The following RASA1 variants were observed in gnomAD, a reference collection of about 807,000 sequenced individuals.
The protein encoded by RASA1 is ras GTPase-activating protein 1.
Under a neutral mutation model 132.2 loss-of-function variants are expected in RASA1, and 25 were observed. The ratio of observed to expected loss-of-function variants is 0.19; its 90% CI spans 0.14 to 0.26. RASA1 has a LOEUF of 0.26. Ranked by LOEUF, RASA1 falls within the 10% of genes least tolerant of loss-of-function variation. RASA1 has a pLI of 1.00. For missense variants in RASA1, 964 were observed against 1,299.2 expected (o/e 0.74, Z 3.97); for synonymous variants, 477 against 449.9 (o/e 1.06, Z -0.76).
intron 9 of RASA1, among the ~76,000 whole-genome samples, chr5:87,361,570 G>T (rs2112453461): frequency 6.6e-6 from 1 of 152,210 alleles, no homozygotes; most frequent in South Asian, 2.1e-4. Flanking sequence ...GAGTCCAATT[G>T]ACCTTAATAG....
chr5:87,362,510 C>T (rs773760921), intron 9 of RASA1, 41 bp from the exon 10 acceptor site: 1 of 1,553,038 alleles, frequency 6.4e-7, no homozygotes, highest in Non-Finnish European at 8.9e-7. Flanking sequence ...TCATTTCCAT[C>T]AAGAATGTAT....
chr5:87,379,899 C>T lies in RASA1; in HGVS notation c.2603+49C>T, dbSNP rs1270929527. On this transcript the variant is annotated intron_variant, in intron 19 of 24. Transcript: ENST00000274376. The stretch of plus-strand genomic sequence containing the variant: ...ACAAGAAATTGTGTATCTATGTCTT[C>T]AGAAATTTCTATTTCTAAAACGTGA... 14 of 1,561,692 alleles carry T rather than the reference C, an allele frequency of 9.0e-6. No individual in the cohort carries two copies. In the African/African-American group the frequency reaches 1.4e-4, roughly 15 times the overall value.
At position 87,268,517 on chromosome 5, in the gene RASA1, C is replaced by A; in HGVS notation, c.66C>A (p.Gly22=). 1 of 1,578,446 alleles carries A rather than the reference C, an allele frequency of 6.3e-7. No individual in the cohort carries two copies. ...GPVTAGAGGG[G]AAAGSSAYPA... Reference sequence around the variant, plus strand: ...TAACAGCCGGAGCTGGAGGAGGCGGCGCGGCAGCGGGCTCCAGTGCCTATC... The same window carrying A: ...TAACAGCCGGAGCTGGAGGAGGCGGAGCGGCAGCGGGCTCCAGTGCCTATC... Residue 22 remains glycine (G), a synonymous_variant, in exon 1 of 25, where the codon GGC becomes GGA. Coordinates refer to ENST00000274376, the MANE Select transcript of RASA1 (RefSeq NM_002890.3).
At chr5:87,346,081 T>C (rs937242694) in intron 6 of RASA1, among the ~76,000 whole-genome samples, 5 of 152,084 alleles carry the variant, frequency 3.3e-5, no homozygotes, top group Non-Finnish European at 4.4e-5. Context: ...AATTTAAGAA[T>C]ACAGAATATA....
chr5:87,288,452 A>G (rs1754776130), intron 1 of RASA1, among the ~76,000 whole-genome samples: 1 of 152,102 alleles, frequency 6.6e-6, no homozygotes, highest in African/African-American at 2.4e-5. Flanking sequence ...TCAGTGTGCA[A>G]TGAATTACAC....
intron 1 of RASA1, among the ~76,000 whole-genome samples, chr5:87,274,995 G>A (rs527703935): frequency 6.6e-6 from 1 of 152,140 alleles, no homozygotes; most frequent in Non-Finnish European, 1.5e-5. Flanking sequence ...TGCTAGAATC[G>A]GTATGGATCA....
chr5:87,369,776 A>G, intron 11 of RASA1, 37 bp from the exon 12 acceptor site: 1 of 1,477,534 alleles, frequency 6.8e-7, no homozygotes, highest in South Asian at 1.2e-5. Flanking sequence ...GCTACTTTTT[A>G]TTAAGCTTCC....
intron 9 of RASA1, among the ~76,000 whole-genome samples, chr5:87,361,824 A>G (rs1760117480): frequency 6.6e-6 from 1 of 152,080 alleles, no homozygotes; most frequent in African/African-American, 2.4e-5. Flanking sequence ...CCTAATATAA[A>G]TATGTTGCTT....
intron 4 of RASA1, among the ~76,000 whole-genome samples, chr5:87,337,275 T>C (rs1758042875): frequency 6.6e-6 from 1 of 152,026 alleles, no homozygotes; most frequent in Non-Finnish European, 1.5e-5. Context: ...TAGGTTTCAG[T>C]AAAAGGAAAC....
At chr5:87,269,076 T>C (rs1230713756) in intron 1 of RASA1, 86 bp downstream of exon 1, 1 of 1,613,984 alleles carries the variant, frequency 6.2e-7, no homozygotes, top group Admixed American at 1.7e-5. Context: ...CTTTGTCCTT[T>C]TCATCTGTGG....
At chr5:87,319,934 T>C (rs1184391885) in intron 1 of RASA1, among the ~76,000 whole-genome samples, 1 of 152,244 alleles carries the variant, frequency 6.6e-6, no homozygotes, top group East Asian at 1.9e-4. Flanking sequence ...TTCATACATA[T>C]GAGCATATAC....
At chr5:87,388,217 C>T (rs1324090995) in intron 23 of RASA1, among the ~76,000 whole-genome samples, 1 of 152,164 alleles carries the variant, frequency 6.6e-6, no homozygotes, top group Non-Finnish European at 1.5e-5. Context: ...CGCTATAAAC[C>T]TTTAATCACT....
At chr5:87,347,370 A>G (rs903038793) in intron 7 of RASA1, among the ~76,000 whole-genome samples, 1 of 152,008 alleles carries the variant, frequency 6.6e-6, no homozygotes, top group African/African-American at 2.4e-5. Context: ...TTGTGGTTTT[A>G]ACCATCCTGT....
chr5:87,389,345 A>C (rs1428274991), intron 23 of RASA1, 48 bp from the exon 24 acceptor site: 1 of 1,611,352 alleles, frequency 6.2e-7, no homozygotes, highest in Non-Finnish European at 8.5e-7. Context: ...AAAAACAAAA[A>C]AAAAGAAGAT....
At chr5:87,364,972 G>T (rs1760396839) in intron 11 of RASA1, among the ~76,000 whole-genome samples, 1 of 152,170 alleles carries the variant, frequency 6.6e-6, no homozygotes, top group Admixed American at 6.5e-5. Flanking sequence ...ATATGTATGG[G>T]TGAAATGGAT....
chr5:87,330,069 T>C (rs1757499738), intron 1 of RASA1, among the ~76,000 whole-genome samples: 1 of 152,162 alleles, frequency 6.6e-6, no homozygotes, highest in East Asian at 1.9e-4. Flanking sequence ...AGGTTACAAT[T>C]ATATTTTGTT....
chr5:87,307,915 C>T lies in RASA1; in HGVS notation c.540-23433C>T, dbSNP rs116365765. Among the ~76,000 whole-genome samples the T allele has an allele frequency of 6.8e-3, 1,042 of 152,236 alleles. 14 individuals are homozygous for T. Among genetic ancestry groups the T allele is most frequent in the African/African-American group, 0.023 (976 of 41,546 alleles). On this transcript the variant is annotated intron_variant, in intron 1 of 24. Transcript: ENST00000274376. ...ATGATCATTTGCTGTAGAGGATGGA[C>T]GGCTTAGCCACTCCTGTGTTAGGCA...
chr5:87,320,204 C>T (rs984484524), intron 1 of RASA1, among the ~76,000 whole-genome samples: 7 of 152,158 alleles, frequency 4.6e-5, no homozygotes, highest in Non-Finnish European at 1.0e-4. Flanking sequence ...AATTATTGAG[C>T]AAGTCTCTAG....
At chr5:87,376,750 T>A in intron 16 of RASA1, 131 bp from the exon 17 acceptor site, 1 of 1,209,742 alleles carries the variant, frequency 8.3e-7, no homozygotes. Flanking sequence ...TCATTCTATT[T>A]TAAATAAATT....
Sources: allele counts gnomAD v4.1 joint callset (sites outside exome capture counted in the v4.1 genomes callset), GRCh38; gene constraint gnomAD v4.1.1; transcripts MANE v1.5; gene names NCBI Gene and HGNC (gene_info 2026-07-23, HGNC 2026-07-21).